TPST1: variants seen among roughly 807,000 people sequenced by gnomAD.
TPST1 encodes tyrosylprotein sulfotransferase 1.
TPST1 carries 20 observed loss-of-function variants against 34.8 expected under a neutral mutation model. The ratio of observed to expected loss-of-function variants is 0.57; its 90% CI spans 0.40 to 0.84. The LOEUF is 0.84. TPST1 is among the 40% of genes least tolerant of loss of function. The probability of loss-of-function intolerance (pLI) is 0.00; values close to 1 mark genes in which losing one functional copy is unlikely to be tolerated. For missense variants in TPST1, 353 were observed against 455.5 expected, an observed-to-expected ratio of 0.78 and a Z score of 2.05; for synonymous variants, 152 against 159.4, an observed-to-expected ratio of 0.95 and a Z score of 0.35.
At chr7:66,205,317 G>T (rs1010355719), upstream of TPST1, 1 of 152,360 alleles carries the variant, frequency 6.6e-6, no homozygotes, top group African/African-American at 2.4e-5. The surrounding 1 kb of genome is among the most constrained non-coding windows in gnomAD (Gnocchi z 5.0). Flanking sequence ...GGTTGTCGCT[G>T]AGTTGGCGAC....
the TPST1 span, among the ~76,000 whole-genome samples, chr7:66,199,603 TC>T: frequency 6.6e-6 from 1 of 151,506 alleles, no homozygotes; most frequent in African/African-American, 2.4e-5. Flanking sequence ...CTCAAATTTT[TC>T]ATTTCTGAGG....
At chr7:66,350,285 G>A (rs760680885) in intron 3 of TPST1, among the ~76,000 whole-genome samples, 2 of 152,186 alleles carry the variant, frequency 1.3e-5, no homozygotes, top group African/African-American at 2.4e-5. Context: ...AAAATGCTGG[G>A]ATTACAGGCA....
At chr7:66,358,932 A>G (rs1011687140) in intron 5 of TPST1, 1 of 152,270 alleles carries the variant, frequency 6.6e-6, no homozygotes, top group Admixed American at 6.5e-5. Context: ...GGGAGGGGCC[A>G]ACCTGTGCTG....
intron 3 of TPST1, among the ~76,000 whole-genome samples, chr7:66,293,248 C>A (rs1584213199): frequency 6.6e-6 from 1 of 151,798 alleles, no homozygotes; most frequent in African/African-American, 2.4e-5. Context: ...AGGGCTGACA[C>A]CTGTAGTTTC....
At chr7:66,297,194 G>A (rs1791219476) in intron 3 of TPST1, among the ~76,000 whole-genome samples, 1 of 152,114 alleles carries the variant, frequency 6.6e-6, no homozygotes, top group African/African-American at 2.4e-5. Flanking sequence ...TTTCATTACA[G>A]CCTATTTGCT....
intron 2 of TPST1, 127 bp from the exon 3 acceptor site, chr7:66,286,384 C>A (rs1791033861): frequency 3.1e-6 from 2 of 654,016 alleles, no homozygotes; most frequent in Non-Finnish European, 4.5e-6. Context: ...CTGATTAGTG[C>A]CCTCTTTCTC....
At chr7:66,241,474 A>G (rs1451175918) in intron 2 of TPST1, among the ~76,000 whole-genome samples, 3 of 151,956 alleles carry the variant, frequency 2.0e-5, no homozygotes, top group African/African-American at 7.3e-5. Context: ...ACAGATGTTC[A>G]CTTATTTATA....
chr7:66,342,450 C>G (rs770388363), intron 3 of TPST1, among the ~76,000 whole-genome samples: 1 of 152,192 alleles, frequency 6.6e-6, no homozygotes, highest in Admixed American at 6.5e-5. Context: ...ACTGTTTAAT[C>G]AAGCCTAATT....
At chr7:66,312,977 C>G (rs1360704258) in intron 3 of TPST1, among the ~76,000 whole-genome samples, 1 of 151,256 alleles carries the variant, frequency 6.6e-6, no homozygotes, top group African/African-American at 2.4e-5. Context: ...AAAGAGCTCA[C>G]TGTATTCTAA....
intron 2 of TPST1, among the ~76,000 whole-genome samples, chr7:66,259,818 G>T (rs1414969540): frequency 6.6e-6 from 1 of 152,112 alleles, no homozygotes; most frequent in African/African-American, 2.4e-5. Flanking sequence ...TGTATATTCT[G>T]TGGGTTTTGA....
At chr7:66,313,849 T>C (rs1791581381) in intron 3 of TPST1, among the ~76,000 whole-genome samples, 1 of 152,170 alleles carries the variant, frequency 6.6e-6, no homozygotes, top group Admixed American at 6.6e-5. Flanking sequence ...ATGGACTTTG[T>C]AGTTTTTTTT....
At chr7:66,343,946 T>TA (rs1308992616) in intron 3 of TPST1, among the ~76,000 whole-genome samples, 1 of 151,984 alleles carries the variant, frequency 6.6e-6, no homozygotes, top group East Asian at 1.9e-4. Flanking sequence ...CCAAAAGAAA[T>TA]ACTAGAAATA....
rs1792629132 is a variant in TPST1 at position 66,358,586 on chromosome 7, T to C, written c.*30-1309T>C. Among the ~76,000 whole-genome samples, 3 of 152,338 alleles carry C rather than the reference T, an allele frequency of 2.0e-5. No individual in the cohort carries two copies. In the South Asian group the frequency reaches 6.2e-4, roughly 32 times the overall value. On this transcript the variant is annotated intron_variant, in intron 5 of 5. Coordinates refer to ENST00000304842, the MANE Select transcript of TPST1 (RefSeq NM_003596.4). ...TGACTTGCGGTGCGTTGATGGATTA[T>C]AGACATAAGAAGCACATGGACGCTG... is the stretch of plus-strand genomic sequence containing the variant.
intron 2 of TPST1, among the ~76,000 whole-genome samples, chr7:66,274,366 GAAA>G (rs767132312): frequency 7.6e-6 from 1 of 131,912 alleles, no homozygotes; most frequent in Non-Finnish European, 1.6e-5. Context: ...GACTCCGTCT[GAAA>G]AAAAAAAAAA....
At chr7:66,277,543 T>C (rs562586580) in intron 2 of TPST1, among the ~76,000 whole-genome samples, 72 of 152,322 alleles carry the variant, frequency 4.7e-4, no homozygotes, top group African/African-American at 1.7e-3. Context: ...ACTTTGCATG[T>C]TTTTAGGGAA....
chr7:66,226,985 G>A (rs941121745), intron 1 of TPST1, among the ~76,000 whole-genome samples: 3 of 143,388 alleles, frequency 2.1e-5, no homozygotes, highest in South Asian at 2.2e-4. Context: ...AAAAACAGGC[G>A]GAGAAATTTA....
chr7:66,200,950 A>C (rs562643751), upstream of TPST1, among the ~76,000 whole-genome samples: 14 of 151,986 alleles, frequency 9.2e-5, no homozygotes, highest in South Asian at 2.9e-3. Context: ...CTGGTCTCGA[A>C]CTACTGATCT....
chr7:66,227,892 T>G (rs1248233539), intron 1 of TPST1, among the ~76,000 whole-genome samples: 2 of 152,140 alleles, frequency 1.3e-5, no homozygotes, highest in African/African-American at 4.8e-5. Context: ...TGTTTGTAAA[T>G]ACAAGAATAG....
chr7:66,328,845 T>A, intron 3 of TPST1, among the ~76,000 whole-genome samples: 1 of 128,758 alleles, frequency 7.8e-6, no homozygotes, highest in African/African-American at 3.0e-5. Flanking sequence ...TCTTTCTCAC[T>A]CTCTCTCTCT....
Sources: gnomAD v4.1 joint callset for allele counts (sites outside exome capture counted in the v4.1 genomes callset) on GRCh38, gnomAD v4.1.1 for gene constraint, Gnocchi (gnomAD v3.1) non-coding constraint, MANE v1.5 for transcripts, NCBI Gene and HGNC (gene_info 2026-07-23, HGNC 2026-07-21) for gene names.